ATP2C1: variants seen among roughly 807,000 people sequenced by gnomAD.
ATP2C1 encodes the protein calcium-transporting ATPase type 2C member 1.
Under a neutral mutation model 120.5 loss-of-function variants are expected in ATP2C1, and 31 were observed. That is an observed-to-expected ratio of 0.26 (90% confidence interval 0.19 to 0.35). The LOEUF (loss-of-function observed/expected upper bound fraction) is 0.35, where lower values mean the gene tolerates loss of function less well. Ranked by LOEUF, ATP2C1 falls within the 10% of genes least tolerant of loss-of-function variation. The pLI, the probability that ATP2C1 is intolerant of heterozygous loss-of-function variation, is 1.00. For synonymous variants in ATP2C1, 351 were observed against 358.7 expected (o/e 0.98, Z 0.24); for missense variants, 731 against 1,107.5 (o/e 0.66, Z 4.83).
At chr3:130,974,613 C>G (rs2061465985) in intron 17 of ATP2C1, among the ~76,000 whole-genome samples, 1 of 149,592 alleles carries the variant, frequency 6.7e-6, no homozygotes, top group South Asian at 2.1e-4. Flanking sequence ...TTGTTGTAAA[C>G]AAAATACTGG....
intron 2 of ATP2C1, among the ~76,000 whole-genome samples, chr3:130,900,072 T>A (rs1009516567): frequency 6.6e-6 from 1 of 152,028 alleles, no homozygotes; most frequent in Non-Finnish European, 1.5e-5. Flanking sequence ...TTATTTATTT[T>A]TTTGAGATGG....
At chr3:130,918,819 G>C (rs1474997311) in intron 2 of ATP2C1, 2 of 340,586 alleles carry the variant, frequency 5.9e-6, no homozygotes, top group African/African-American at 4.3e-5. Flanking sequence ...GTGAAACCCG[G>C]TCTCTACTAA....
chr3:130,990,798 C>A (rs535879953), intron 20 of ATP2C1, among the ~76,000 whole-genome samples: 3 of 152,066 alleles, frequency 2.0e-5, no homozygotes, highest in African/African-American at 7.2e-5. Flanking sequence ...CAACAAGATT[C>A]GCTGTCAAAC....
At chr3:130,985,624 G>T (rs1296717917) in intron 20 of ATP2C1, among the ~76,000 whole-genome samples, 1 of 150,714 alleles carries the variant, frequency 6.6e-6, no homozygotes, top group African/African-American at 2.4e-5. Flanking sequence ...TACAGAGCAA[G>T]ACTCCTTCCC....
chr3:130,874,761 A>G (rs572692981), intron 1 of ATP2C1, among the ~76,000 whole-genome samples: 3 of 152,324 alleles, frequency 2.0e-5, no homozygotes, highest in African/African-American at 7.2e-5. Context: ...AAGGAGGGAT[A>G]AAAAGGTGGC....
chr3:130,856,946 A>G (rs1019702345), intron 1 of ATP2C1, among the ~76,000 whole-genome samples: 1 of 152,270 alleles, frequency 6.6e-6, no homozygotes, highest in Admixed American at 6.5e-5. Context: ...TCTGATTGCA[A>G]AAATTCAAAA....
intron 2 of ATP2C1, among the ~76,000 whole-genome samples, chr3:130,901,745 A>G (rs1354921628): frequency 6.6e-6 from 1 of 152,078 alleles, no homozygotes; most frequent in African/African-American, 2.4e-5. Flanking sequence ...TCTTGAAGGC[A>G]GAGACCTCAA....
chr3:130,888,430 G>T, intron 1 of ATP2C1, among the ~76,000 whole-genome samples: 1 of 152,222 alleles, frequency 6.6e-6, no homozygotes, highest in South Asian at 2.1e-4. Flanking sequence ...GTCCTAGACA[G>T]ACTTTCAAGT....
intron 3 of ATP2C1, among the ~76,000 whole-genome samples, chr3:130,931,137 TTTG>T (rs960455562): frequency 5.3e-5 from 8 of 152,106 alleles, no homozygotes; most frequent in African/African-American, 7.2e-5. Context: ...TTTTTAGGTT[TTTG>T]TTGTTGTTGT....
At chr3:130,918,825 A>G (rs1455660540) in intron 2 of ATP2C1, 6 of 335,346 alleles carry the variant, frequency 1.8e-5, no homozygotes, top group Non-Finnish European at 2.9e-5. Flanking sequence ...CCCGGTCTCT[A>G]CTAAAAATAC....
chr3:130,964,152 G>A (rs2060947635), intron 13 of ATP2C1, 57 bp downstream of exon 13: 5 of 1,598,568 alleles, frequency 3.1e-6, no homozygotes, highest in South Asian at 2.2e-5. Flanking sequence ...TGTCAATAGT[G>A]AATCATCTCA....
At chr3:130,864,738 G>C (rs765452394) in intron 1 of ATP2C1, among the ~76,000 whole-genome samples, 2 of 152,242 alleles carry the variant, frequency 1.3e-5, no homozygotes, top group Admixed American at 1.3e-4. Context: ...CAGCTTCCAC[G>C]TGTTGTTGAG....
At chr3:130,889,812 A>G (rs2069110442), upstream of ATP2C1, among the ~76,000 whole-genome samples, 1 of 151,860 alleles carries the variant, frequency 6.6e-6, no homozygotes, top group African/African-American at 2.4e-5. Flanking sequence ...CACCCAGCTA[A>G]TGCTTTTATT....
In ATP2C1 at chr3:130,964,139, T is replaced by G. The variant is rs774879039; in HGVS notation, c.1024+44T>G. On this transcript the variant is annotated intron_variant, in intron 13 of 27. Transcript: ENST00000510168. The stretch of plus-strand genomic sequence containing the variant: ...CATTCTTATGCAATGATGCGTAAGT[T>G]TATGTCAATAGTGAATCATCTCAGA... The G allele has an allele frequency of 1.3e-5, 21 of 1,607,048 alleles. No individual in the cohort carries two copies. The East Asian group carries it at 4.7e-4, about 36-fold the overall frequency.
At chr3:130,926,572 G>A (rs964584592) in intron 2 of ATP2C1, among the ~76,000 whole-genome samples, 2 of 152,200 alleles carry the variant, frequency 1.3e-5, no homozygotes, top group Non-Finnish European at 2.9e-5. Context: ...CTGCTGTATG[G>A]TAATAACTAC....
rs16835390 is a variant in ATP2C1 at position 130,934,245 on chromosome 3, A to G, written c.235-377A>G. On this transcript the variant is annotated intron_variant, in intron 4 of 27. Transcript: ENST00000510168. ...AGAAATGTTTGAATCTCAGTGTTCT[A>G]TTCAGTATTTCGCCCAAATTTTTAG... 9.5e-3 allele frequency among the ~76,000 whole-genome samples: 1,454 copies of G among 152,272 alleles called. 17 individuals are homozygous for G. Among genetic ancestry groups the G allele is most frequent in the African/African-American group, 0.031 (1,295 of 41,568 alleles).
At chr3:130,989,426 G>A (rs1213175184) in intron 20 of ATP2C1, among the ~76,000 whole-genome samples, 1 of 150,820 alleles carries the variant, frequency 6.6e-6, no homozygotes, top group Non-Finnish European at 1.5e-5. Context: ...TTAGCTGGGC[G>A]TGGTGGTGCA....
chr3:131,016,615 A>C, exon 27 of ATP2C1: 1 of 443,414 alleles, frequency 2.3e-6, no homozygotes, highest in Non-Finnish European at 4.1e-6. Flanking sequence ...GACCATAAAC[A>C]TGTCTGCATT....
At chr3:130,959,434 C>T (rs2060722382) in intron 12 of ATP2C1, 93 bp downstream of exon 12, 1 of 785,314 alleles carries the variant, frequency 1.3e-6, no homozygotes, top group African/African-American at 1.7e-5. Flanking sequence ...ATCAGTATTA[C>T]ATGGAGCCCA....
Sources: gnomAD v4.1 joint callset for allele counts (sites outside exome capture counted in the v4.1 genomes callset) on GRCh38, gnomAD v4.1.1 for gene constraint, MANE v1.5 for transcripts, NCBI Gene and HGNC (gene_info 2026-07-23, HGNC 2026-07-21) for gene names.